Variants in SLC26A8 observed in about 807,000 individuals in gnomAD.
SLC26A8 encodes testis anion transporter 1.
In SLC26A8, 70 loss-of-function variants were observed where a neutral mutation model predicts 105.0. The ratio of observed to expected loss-of-function variants is 0.67; its 90% CI spans 0.55 to 0.81. The LOEUF (loss-of-function observed/expected upper bound fraction) is 0.81. Ranked by LOEUF, SLC26A8 falls within the 40% of genes least tolerant of loss-of-function variation. The probability of loss-of-function intolerance (pLI) is 0.00; values close to 1 mark genes in which losing one functional copy is unlikely to be tolerated. For synonymous variants in SLC26A8, 415 were observed against 438.3 expected (o/e 0.95, Z 0.66); for missense variants, 998 against 1,181.8 (o/e 0.84, Z 2.28).
chr6:35,992,816 A>G, intron 5 of SLC26A8, 142 bp from the exon 6 acceptor site: 1 of 816,884 alleles, frequency 1.2e-6, no homozygotes, highest in Non-Finnish European at 1.8e-6. Flanking sequence ...CTCTTTCCCT[A>G]ATGAACAGAA....
At chr6:35,953,060 G>C (rs1480443487) in intron 17 of SLC26A8, among the ~76,000 whole-genome samples, 1 of 150,480 alleles carries the variant, frequency 6.6e-6, no homozygotes, top group Non-Finnish European at 1.5e-5. Flanking sequence ...TTTTTCTTAG[G>C]TTCCAGTTTT....
At chr6:35,946,871 T>TC (rs1771695594) in intron 19 of SLC26A8, among the ~76,000 whole-genome samples, 2 of 151,510 alleles carry the variant, frequency 1.3e-5, no homozygotes, top group African/African-American at 4.9e-5. Flanking sequence ...GTTTTTTTTT[T>TC]CAAGATAAGA....
rs762850998 is a variant in SLC26A8 at position 35,962,641 on chromosome 6, C to T, written c.1366-20G>A. ...CACAGCCTGTGGGGAAAAGATAAAT[C>T]ATGGTTCATTTTCCCTTTGGGGTGT... On this transcript the variant is annotated intron_variant, in intron 11 of 19. Transcript: ENST00000490799. The T allele has an allele frequency of 1.2e-6, 2 of 1,611,244 alleles. No homozygotes were observed. The highest frequency in any genetic ancestry group is 2.2e-5 in the South Asian group (2 of 90,932).
At chr6:35,973,815 G>A (rs1201420267) in intron 10 of SLC26A8, among the ~76,000 whole-genome samples, 1 of 152,154 alleles carries the variant, frequency 6.6e-6, no homozygotes, top group Non-Finnish European at 1.5e-5. Context: ...ATTCGTTTCT[G>A]ACCATGGCTA....
At chr6:36,009,069 G>A (rs1200475414) in intron 3 of SLC26A8, among the ~76,000 whole-genome samples, 1 of 152,102 alleles carries the variant, frequency 6.6e-6, no homozygotes, top group African/African-American at 2.4e-5. Context: ...ACCTGCACAT[G>A]AGGCCAGGCG....
At chr6:35,946,457 G>A (rs1267854325) in intron 19 of SLC26A8, among the ~76,000 whole-genome samples, 4 of 151,936 alleles carry the variant, frequency 2.6e-5, no homozygotes, top group Non-Finnish European at 4.4e-5. Context: ...GGCTAGTCTC[G>A]AACTCCTGGC....
intron 3 of SLC26A8, among the ~76,000 whole-genome samples, chr6:36,011,704 C>T (rs1337963007): frequency 2.6e-5 from 4 of 152,152 alleles, no homozygotes; most frequent in South Asian, 2.1e-4. Context: ...ACCTCCTGGG[C>T]TCAGGTGATC....
chr6:36,020,443 C>G (rs1183066826), intron 1 of SLC26A8, among the ~76,000 whole-genome samples: 2 of 152,056 alleles, frequency 1.3e-5, no homozygotes, highest in East Asian at 3.9e-4. Context: ...ATGGTGAAAC[C>G]CTGTCTCTAC....
intron 5 of SLC26A8, among the ~76,000 whole-genome samples, chr6:35,995,525 C>T (rs1018645620): frequency 6.6e-6 from 1 of 152,210 alleles, no homozygotes; most frequent in Admixed American, 6.5e-5. Context: ...ACAGATTCTA[C>T]AATCAGACAA....
In SLC26A8 at chr6:35,954,683, G is replaced by A. The variant is rs151273806; in HGVS notation, c.2232+469C>T. 31 of 171,220 alleles carry A rather than the reference G, an allele frequency of 1.8e-4. No homozygotes were observed. The East Asian group carries it at 4.2e-3, about 23-fold the overall frequency. The allele number at this position is 171,220 out of a possible 1,614,324, so 10.6% of individuals were successfully genotyped here. A position where few individuals can be genotyped will look rare whatever the true frequency, so the allele number is the denominator to read the frequency against. On this transcript the variant is annotated intron_variant, in intron 17 of 19. Transcript: ENST00000490799. ...TTTTAGGCTGGGCATGGTGGCTCAC[G>A]CCTGTAATCCCAGAGCTTTGGTAGG...
chr6:36,012,130 T>C (rs931253632), intron 3 of SLC26A8, 103 bp downstream of exon 3: 3 of 1,433,152 alleles, frequency 2.1e-6, no homozygotes, highest in Non-Finnish European at 2.9e-6. Flanking sequence ...TAAAATTCAA[T>C]ATTTTTTTTC....
chr6:35,964,827 AG>A (rs1772443195), intron 11 of SLC26A8, among the ~76,000 whole-genome samples: 1 of 151,208 alleles, frequency 6.6e-6, no homozygotes. Flanking sequence ...TTAGCCAGGC[AG>A]TAGTGGCGTG....
rs746868103 is a variant in SLC26A8, at chr6:35,943,904, A to G, written c.2909T>C (p.Val970Ala). The change falls in exon 20 of 20, where the codon GTC becomes GCC. Residue 970 changes from valine (V) to alanine (A), a missense_variant. Physicochemically the swap from Val to Ala is moderately conservative, Grantham distance 64 (BLOSUM62 0). Coordinates refer to ENST00000490799, the MANE Select transcript of SLC26A8 (RefSeq NM_052961.4). ...YSPEGNSNED[V>A] Reference sequence around the variant, plus strand: ...CCCTTATTTCTAGTTCATCTCCTAGACATCTTCATTGCTGTTGCCCTCTGG... The same window carrying G: ...CCCTTATTTCTAGTTCATCTCCTAGGCATCTTCATTGCTGTTGCCCTCTGG... The G allele has an allele frequency of 6.2e-7, 1 of 1,613,044 alleles. No individual in the cohort carries two copies. Among genetic ancestry groups the G allele is most frequent in the Non-Finnish European group, 8.5e-7 (1 of 1,179,176 alleles).
At chr6:35,962,645 G>T (rs1313907369) in intron 11 of SLC26A8, 24 bp from the exon 12 acceptor site, 1 of 1,608,882 alleles carries the variant, frequency 6.2e-7, no homozygotes, top group Admixed American at 1.7e-5. Flanking sequence ...ATAAATCATG[G>T]TTCATTTTCC....
intron 10 of SLC26A8, among the ~76,000 whole-genome samples, chr6:35,975,074 T>G (rs1005893391): frequency 6.6e-6 from 1 of 152,160 alleles, no homozygotes; most frequent in Non-Finnish European, 1.5e-5. Flanking sequence ...CCTAAAATAT[T>G]CTTATCCTTT....
intron 10 of SLC26A8, among the ~76,000 whole-genome samples, chr6:35,970,530 G>C (rs554201467): frequency 2.6e-5 from 4 of 152,170 alleles, no homozygotes; most frequent in Non-Finnish European, 5.9e-5. Flanking sequence ...AGCCTCTCCA[G>C]CCAGGTGACA....
At chr6:36,019,427 C>T in intron 2 of SLC26A8, 93 bp downstream of exon 2, 1 of 1,310,666 alleles carries the variant, frequency 7.6e-7, no homozygotes, top group Non-Finnish European at 1.0e-6. Context: ...ATTACAGGAA[C>T]TCAGACAAGA....
At chr6:35,994,414 A>G (rs6457872) in intron 5 of SLC26A8, among the ~76,000 whole-genome samples, 85,100 of 151,344 alleles carry the variant, frequency 0.56, 24,214 homozygotes, top group South Asian at 0.71. Context: ...GCGCCCTGCC[A>G]ACTGTCTCTC....
At chr6:36,021,126 C>G (rs551242525) in intron 1 of SLC26A8, among the ~76,000 whole-genome samples, 1 of 152,270 alleles carries the variant, frequency 6.6e-6, no homozygotes, top group Admixed American at 6.5e-5. Context: ...TTTTTACCCT[C>G]AAAGCATTGG....
Sources: allele counts gnomAD v4.1 joint callset (sites outside exome capture counted in the v4.1 genomes callset), GRCh38; gene constraint gnomAD v4.1.1; transcripts MANE v1.5; gene names NCBI Gene and HGNC (gene_info 2026-07-23, HGNC 2026-07-21).